Variants in MTUS2 observed in about 807,000 individuals in gnomAD.
MTUS2 encodes the protein microtubule associated scaffold protein 2.
Under a neutral mutation model 114.1 loss-of-function variants are expected in MTUS2, and 40 were observed. The ratio of observed to expected loss-of-function variants is 0.35; its 90% CI spans 0.27 to 0.46. The LOEUF (loss-of-function observed/expected upper bound fraction) is 0.46. MTUS2 is among the 20% of genes least tolerant of loss of function. The pLI, the probability that MTUS2 is intolerant of heterozygous loss-of-function variation, is 1.00. For synonymous variants in MTUS2, 688 were observed against 672.0 expected (o/e 1.02, Z -0.37); for missense variants, 1,679 against 1,705.4 (o/e 0.98, Z 0.27).
chr13:29,180,822 T>A (rs948332182), intron 5 of MTUS2, among the ~76,000 whole-genome samples: 1 of 152,136 alleles, frequency 6.6e-6, no homozygotes, highest in Non-Finnish European at 1.5e-5. Flanking sequence ...GGGGTAGCCT[T>A]TGGCCTCATC....
At chr13:29,178,860 G>A (rs1406792098) in intron 5 of MTUS2, among the ~76,000 whole-genome samples, 1 of 152,102 alleles carries the variant, frequency 6.6e-6, no homozygotes, top group Non-Finnish European at 1.5e-5. Context: ...AATCTGGTGG[G>A]ATTTTAGAAG....
chr13:29,272,546 A>G (rs1426960304), intron 5 of MTUS2, among the ~76,000 whole-genome samples: 1 of 152,210 alleles, frequency 6.6e-6, no homozygotes, highest in Non-Finnish European at 1.5e-5. Flanking sequence ...TAAATGAAGT[A>G]GTGAAAAGTG....
At chr13:28,918,344 A>G (rs547162667) in intron 2 of MTUS2, among the ~76,000 whole-genome samples, 1 of 152,136 alleles carries the variant, frequency 6.6e-6, no homozygotes, top group South Asian at 2.1e-4. Context: ...AGCTTTATAT[A>G]TCTGGGTGCT....
At chr13:28,931,146 T>G (rs1340223999) in intron 2 of MTUS2, among the ~76,000 whole-genome samples, 1 of 152,268 alleles carries the variant, frequency 6.6e-6, no homozygotes, top group African/African-American at 2.4e-5. Context: ...TCCTTGACTT[T>G]GGGCATGGCC....
chr13:28,863,415 A>T (rs1286553828), intron 2 of MTUS2, among the ~76,000 whole-genome samples: 1 of 152,204 alleles, frequency 6.6e-6, no homozygotes, highest in East Asian at 1.9e-4. Flanking sequence ...ACACAGTGTC[A>T]TTAAAGGTGT....
intron 2 of MTUS2, among the ~76,000 whole-genome samples, 180 bp downstream of exon 2, chr13:28,840,030 A>T (rs545837175): frequency 6.1e-5 from 9 of 147,042 alleles, no homozygotes; most frequent in Middle Eastern, 3.6e-3. Flanking sequence ...TGAAAGCTTA[A>T]TTTTTTTTTT....
chr13:29,412,418 C>G (rs949523403), intron 8 of MTUS2, among the ~76,000 whole-genome samples: 1 of 152,122 alleles, frequency 6.6e-6, no homozygotes. Context: ...TGGCTTAAGT[C>G]CCAATTGGTC....
At chr13:28,989,799 G>A (rs115095952) in intron 2 of MTUS2, among the ~76,000 whole-genome samples, 153 of 152,204 alleles carry the variant, frequency 1.0e-3, no homozygotes, top group African/African-American at 3.5e-3. Context: ...TGTATGCCAG[G>A]GTGTCTCATT....
At chr13:29,262,570 TAAA>T (rs34929267) in intron 5 of MTUS2, among the ~76,000 whole-genome samples, 8 of 143,628 alleles carry the variant, frequency 5.6e-5, no homozygotes, top group South Asian at 2.3e-4. Context: ...GTGATTAGTG[TAAA>T]AAAAAAAAAA....
chr13:29,331,984 C>T (rs9579323), intron 7 of MTUS2, among the ~76,000 whole-genome samples: 28,520 of 152,052 alleles, frequency 0.19, 2,758 homozygotes, highest in Middle Eastern at 0.22. Context: ...AGGATTTTCT[C>T]GTTAATGTTC....
intron 11 of MTUS2, among the ~76,000 whole-genome samples, chr13:29,491,164 G>A (rs1392483468): frequency 6.9e-6 from 1 of 143,972 alleles, no homozygotes; most frequent in African/African-American, 2.6e-5. Flanking sequence ...TTTATGGGGA[G>A]TGTGTGGTGT....
chr13:28,957,548 T>G (rs1182691400), intron 2 of MTUS2, among the ~76,000 whole-genome samples: 3 of 152,240 alleles, frequency 2.0e-5, no homozygotes, highest in Non-Finnish European at 4.4e-5. Context: ...ACTATTTATC[T>G]AGCATTTACA....
At chr13:29,165,704 A>G (rs1297000805) in intron 5 of MTUS2, among the ~76,000 whole-genome samples, 1 of 152,214 alleles carries the variant, frequency 6.6e-6, no homozygotes, top group East Asian at 1.9e-4. Context: ...TTTGGCTATC[A>G]TTACAGTTTC....
At chr13:29,341,490 A>T (rs1484114450) in intron 7 of MTUS2, among the ~76,000 whole-genome samples, 1 of 151,746 alleles carries the variant, frequency 6.6e-6, no homozygotes, top group Non-Finnish European at 1.5e-5. Flanking sequence ...TTTTGATGGG[A>T]TTATTTTTTT....
At chr13:29,500,502 G>A (rs968840413) in intron 14 of MTUS2, among the ~76,000 whole-genome samples, 14 of 152,168 alleles carry the variant, frequency 9.2e-5, no homozygotes, top group African/African-American at 3.4e-4. Context: ...TGGGATGATG[G>A]GATTTGGGGA....
chr13:28,899,116 G>T (rs770648243), intron 2 of MTUS2, among the ~76,000 whole-genome samples: 1 of 152,114 alleles, frequency 6.6e-6, no homozygotes, highest in Non-Finnish European at 1.5e-5. Flanking sequence ...TGAGGTAATT[G>T]TAGATTCACA....
chr13:29,029,276 GCT>G (rs1886705280), intron 3 of MTUS2, among the ~76,000 whole-genome samples: 2 of 152,220 alleles, frequency 1.3e-5, no homozygotes, highest in Non-Finnish European at 2.9e-5. Flanking sequence ...GCTGTGCGGG[GCT>G]GCATGGCATC....
intron 5 of MTUS2, among the ~76,000 whole-genome samples, chr13:29,260,176 T>C (rs71434712): frequency 0.02 from 3,105 of 152,364 alleles, 47 homozygotes; most frequent in East Asian, 0.084. Flanking sequence ...ATTTAAGTTG[T>C]TTGAAAGGCA....
At chr13:29,375,999 ATGTGTGTG>A (rs56731342) in intron 8 of MTUS2, among the ~76,000 whole-genome samples, 1 of 146,870 alleles carries the variant, frequency 6.8e-6, no homozygotes, top group African/African-American at 2.6e-5. Flanking sequence ...TTAAACATAT[ATGTGTGTG>A]TGTGTGTATG....
Sources: allele counts gnomAD v4.1 joint callset (sites outside exome capture counted in the v4.1 genomes callset), GRCh38; gene constraint gnomAD v4.1.1; transcripts MANE v1.5; gene names NCBI Gene and HGNC (gene_info 2026-07-23, HGNC 2026-07-21).